Variants in LIX1 observed in about 807,000 individuals in gnomAD.
LIX1 encodes limb and CNS expressed 1.
Under a neutral mutation model 33.4 loss-of-function variants are expected in LIX1, and 24 were observed. That is an observed-to-expected ratio of 0.72 (90% CI 0.52 to 1.01). The LOEUF is 1.01. Among genes scored for constraint, LIX1 ranks in the 50% least tolerant of loss-of-function variants. The pLI, the probability that LIX1 is intolerant of heterozygous loss-of-function variation, is 0.00. For synonymous variants in LIX1, 124 were observed against 124.0 expected, an observed-to-expected ratio of 1.00 and a Z score of 0.00; for missense variants, 311 against 339.2, an observed-to-expected ratio of 0.92 and a Z score of 0.65.
chr5:97,105,430 G>A, intron 3 of LIX1, 145 bp from the exon 4 acceptor site: 1 of 618,414 alleles, frequency 1.6e-6, no homozygotes, highest in South Asian at 2.0e-5. Flanking sequence ...CAGTAGATTT[G>A]AGAGTTTTGT....
chr5:97,094,361 A>C lies in LIX1; in HGVS notation c.*387T>G, dbSNP rs1746231249. ...TATTTTTAAACACTGCTATCATGCT[A>C]CTTCACCTAATTCTGGCTGCTGTTC... is the stretch of plus-strand genomic sequence containing the variant. On this transcript the variant is annotated 3_prime_UTR_variant, in exon 6 of 6. Coordinates refer to ENST00000274382, the MANE Select transcript of LIX1 (RefSeq NM_153234.5). 5.3e-6 allele frequency: 1 copy of C among 187,840 alleles called. No individual in the cohort carries two copies. Among genetic ancestry groups the C allele is most frequent in the Non-Finnish European group, 1.1e-5 (1 of 89,698 alleles). The allele number at this position is 187,840 out of a possible 1,614,324, so 11.6% of individuals were successfully genotyped here.
Position 97,124,639 on chromosome 5 carries a change from A to G in LIX1, c.83-10T>C. On this transcript the variant is annotated splice_polypyrimidine_tract_variant and intron_variant, in intron 1 of 5. Transcript: ENST00000274382. ...ATTGACACAACGTTCACTGAAAAAG[A>G]CAAGAAACACCATCAGTTATTAAGG... The G allele has an allele frequency of 6.2e-7, 1 of 1,603,212 alleles. No individual in the cohort carries two copies. The highest frequency in any genetic ancestry group is 8.5e-7 in the Non-Finnish European group (1 of 1,173,750).
chr5:97,110,054 C>T (rs752433141), intron 2 of LIX1, among the ~76,000 whole-genome samples: 11 of 152,172 alleles, frequency 7.2e-5, no homozygotes, highest in South Asian at 2.1e-4. Flanking sequence ...TGAGTGTGCA[C>T]GTGTCTTTTT....
At chr5:97,116,073 C>T (rs562902408) in intron 2 of LIX1, among the ~76,000 whole-genome samples, 1 of 152,102 alleles carries the variant, frequency 6.6e-6, no homozygotes, top group African/African-American at 2.4e-5. Context: ...AAGTGACTTG[C>T]GGAGTTTGTG....
intron 2 of LIX1, among the ~76,000 whole-genome samples, chr5:97,122,837 A>G (rs1747818492): frequency 6.6e-6 from 1 of 152,198 alleles, no homozygotes; most frequent in Non-Finnish European, 1.5e-5. Flanking sequence ...GAAGGACACT[A>G]TCTCTACTTC....
chr5:97,124,571 T>C lies in LIX1; in HGVS notation c.141A>G (p.Ala47=), dbSNP rs1300484376. 6.2e-7 allele frequency: 1 copy of C among 1,611,086 alleles called. No individual in the cohort carries two copies. The highest frequency in any genetic ancestry group is 1.1e-5 in the South Asian group (1 of 90,586). ...AGACCACCACACCTTCACTTGGGAA[T>C]GCAGCCTTCTGCTGCTGCTTGCTTT... is the stretch of plus-strand genomic sequence containing the variant. The part of the protein sequence containing the change: ...FWESKQQQKA[A]FPSEGVVVYE... Residue 47 remains alanine (A), a synonymous_variant, in exon 2 of 6, where the codon GCA becomes GCG. Transcript: ENST00000274382.
intron 1 of LIX1, among the ~76,000 whole-genome samples, chr5:97,134,242 C>T (rs972011688): frequency 6.6e-6 from 1 of 152,212 alleles, no homozygotes; most frequent in African/African-American, 2.4e-5. Context: ...GCCTCAGCTT[C>T]CTGAGTAGCT....
chr5:97,123,433 A>G (rs1321229238), intron 2 of LIX1, among the ~76,000 whole-genome samples: 5 of 152,198 alleles, frequency 3.3e-5, no homozygotes, highest in Admixed American at 3.3e-4. Flanking sequence ...GAAGGTGAAG[A>G]GACTTCATTA....
At chr5:97,114,253 C>T (rs1018887727) in intron 2 of LIX1, among the ~76,000 whole-genome samples, 1 of 152,156 alleles carries the variant, frequency 6.6e-6, no homozygotes, top group Non-Finnish European at 1.5e-5. Flanking sequence ...AAACCCAGCA[C>T]TTTGGGAGGC....
chr5:97,099,680 T>TA (rs1029059430), intron 4 of LIX1, among the ~76,000 whole-genome samples: 76 of 151,630 alleles, frequency 5.0e-4, no homozygotes, highest in African/African-American at 1.3e-3. Context: ...CTACTAAAAA[T>TA]AAAAAAATTA....
At chr5:97,125,232 G>A (rs1395847980) in intron 1 of LIX1, among the ~76,000 whole-genome samples, 1 of 152,190 alleles carries the variant, frequency 6.6e-6, no homozygotes, top group African/African-American at 2.4e-5. Context: ...AACAAGGTCT[G>A]TTCGAGTATT....
chr5:97,094,860 T>C lies in LIX1; in HGVS notation c.737A>G (p.Lys246Arg). 6.2e-7 allele frequency: 1 copy of C among 1,614,228 alleles called. No homozygotes were observed. The highest frequency in any genetic ancestry group is 1.1e-5 in the South Asian group (1 of 91,088). Reference protein sequence around the residue: ...RKAGQELRFYKEKKEILSLAL... With the variant: ...RKAGQELRFYREKKEILSLAL... ...TAAGCTCAATATTTCTTTCTTTTCT[T>C]TGTAAAACCGTAGTTCTTGTCCTGC... Residue 246 changes from lysine to arginine, a missense_variant, in exon 6 of 6, where the codon AAA (lysine) becomes AGA (arginine). Lys to Arg is a conservative substitution (Grantham distance 26). Transcript: ENST00000274382.
At chr5:97,137,724 T>G (rs1748201783) in intron 1 of LIX1, among the ~76,000 whole-genome samples, 1 of 152,212 alleles carries the variant, frequency 6.6e-6, no homozygotes, top group African/African-American at 2.4e-5. Context: ...TGTTTGGCTT[T>G]TTTTTGTGGT....
intron 2 of LIX1, among the ~76,000 whole-genome samples, chr5:97,110,939 G>A (rs1475633308): frequency 6.6e-6 from 1 of 152,134 alleles, no homozygotes; most frequent in Non-Finnish European, 1.5e-5. Flanking sequence ...AACCAGAATG[G>A]GTTTGACAAG....
At position 97,120,669 on chromosome 5, in the gene LIX1, G is replaced by A. The variant is rs184712468; in HGVS notation, c.246+3797C>T. Among the ~76,000 whole-genome samples the A allele has an allele frequency of 1.1e-3, 167 of 152,292 alleles. No homozygotes were observed. In the Middle Eastern group the frequency reaches 0.024, roughly 22 times the overall value. On this transcript the variant is annotated intron_variant, in intron 2 of 5. Transcript: ENST00000274382. ...TTAGAAGAGGTCAAGACATGCATGA[G>A]GAACAGTTAGGTAGAAGCATTAAGT...
intron 2 of LIX1, among the ~76,000 whole-genome samples, chr5:97,108,490 T>G (rs574921335): frequency 1.1e-4 from 17 of 152,328 alleles, no homozygotes; most frequent in African/African-American, 4.1e-4. Context: ...CAACTCCCAT[T>G]TTTCAAGTTC....
intron 4 of LIX1, among the ~76,000 whole-genome samples, chr5:97,100,266 G>A (rs1485978324): frequency 2.6e-5 from 4 of 152,148 alleles, no homozygotes; most frequent in African/African-American, 9.7e-5. Context: ...GACTTGAACT[G>A]CTTTCGTCTC....
At chr5:97,099,177 G>A (rs893419490) in intron 4 of LIX1, among the ~76,000 whole-genome samples, 3 of 152,302 alleles carry the variant, frequency 2.0e-5, no homozygotes, top group Non-Finnish European at 2.9e-5. Flanking sequence ...TCCTGCCCTT[G>A]TTCAGACTTT....
At chr5:97,115,376 G>A (rs2112778942) in intron 2 of LIX1, among the ~76,000 whole-genome samples, 1 of 152,206 alleles carries the variant, frequency 6.6e-6, no homozygotes, top group Non-Finnish European at 1.5e-5. Flanking sequence ...CCATCTTCTG[G>A]CCAAGCTGAA....
Sources: gnomAD v4.1 joint callset for allele counts (sites outside exome capture counted in the v4.1 genomes callset) on GRCh38, gnomAD v4.1.1 for gene constraint, MANE v1.5 for transcripts, NCBI Gene and HGNC (gene_info 2026-07-23, HGNC 2026-07-21) for gene names.